CHODL: variants seen among roughly 807,000 people sequenced by gnomAD.
The protein encoded by CHODL is transmembrane protein MT75.
In CHODL, 29 loss-of-function variants were observed where a neutral mutation model predicts 34.5. That is an observed-to-expected ratio of 0.84 (90% CI 0.63 to 1.15). CHODL has a LOEUF of 1.15. CHODL is among the 50% of genes most tolerant of loss of function. CHODL has a pLI of 0.00. For synonymous variants in CHODL, 125 were observed against 116.1 expected (o/e 1.08, Z -0.49); for missense variants, 332 against 332.5 (o/e 1.00, Z 0.01).
chr21:17,960,701 A>G (rs1007130286), intron 1 of CHODL, among the ~76,000 whole-genome samples: 7 of 152,066 alleles, frequency 4.6e-5, no homozygotes, highest in Non-Finnish European at 8.8e-5. Context: ...TTACAGGATA[A>G]TGGACTATTA....
At chr21:17,980,412 A>G (rs1255589232) in intron 1 of CHODL, among the ~76,000 whole-genome samples, 1 of 152,176 alleles carries the variant, frequency 6.6e-6, no homozygotes, top group African/African-American at 2.4e-5. Context: ...AAAATATTGC[A>G]TTTCCTAAAT....
At chr21:18,074,971 A>G (rs2146505000) in intron 2 of CHODL, among the ~76,000 whole-genome samples, 1 of 152,312 alleles carries the variant, frequency 6.6e-6, no homozygotes, top group East Asian at 1.9e-4. Context: ...AGAGATAGTT[A>G]CTAATGGCCT....
At chr21:18,255,984 C>A (rs893857487) in intron 1 of CHODL, among the ~76,000 whole-genome samples, 1 of 151,966 alleles carries the variant, frequency 6.6e-6, no homozygotes. Context: ...CATTCTGTCC[C>A]CTTTTAACTT....
At chr21:18,146,696 A>C (rs2072894450) in intron 2 of CHODL, among the ~76,000 whole-genome samples, 1 of 152,202 alleles carries the variant, frequency 6.6e-6, no homozygotes, top group Admixed American at 6.5e-5. Context: ...AAACAAACTA[A>C]TACAGTACTT....
chr21:17,938,488 TTTTTTAAG>T (rs1198697410), intron 1 of CHODL, among the ~76,000 whole-genome samples: 29 of 1,746 alleles, frequency 0.017, no homozygotes, highest in Middle Eastern at 0.05. Flanking sequence ...TTTTTTTTTT[TTTTTTAAG>T]GAAAGGGAGT....
chr21:17,937,248 C>A (rs575012082), intron 1 of CHODL, among the ~76,000 whole-genome samples: 1 of 152,170 alleles, frequency 6.6e-6, no homozygotes, highest in South Asian at 2.1e-4. Context: ...AGGAGAGGGG[C>A]AGGTGAGAGC....
chr21:18,145,965 G>T (rs7280217), intron 2 of CHODL, among the ~76,000 whole-genome samples: 44,091 of 151,648 alleles, frequency 0.29, 8,123 homozygotes, highest in African/African-American at 0.53. Flanking sequence ...TTTGTTTTTT[G>T]TTGTTGTTGT....
chr21:18,187,404 G>T (rs2146685633), intron 2 of CHODL, among the ~76,000 whole-genome samples: 1 of 151,912 alleles, frequency 6.6e-6, no homozygotes, highest in East Asian at 1.9e-4. Flanking sequence ...CTCCTTTAAG[G>T]TTTCCATTTT....
intron 1 of CHODL, among the ~76,000 whole-genome samples, chr21:18,006,065 G>T (rs947634235): frequency 1.3e-5 from 2 of 152,110 alleles, no homozygotes; most frequent in South Asian, 4.2e-4. Flanking sequence ...AACCCATTTT[G>T]CTTGGCCGTC....
chr21:17,970,314 C>T (rs1241840569), intron 1 of CHODL, among the ~76,000 whole-genome samples: 1 of 152,100 alleles, frequency 6.6e-6, no homozygotes, highest in Non-Finnish European at 1.5e-5. Context: ...TTTTATCTTT[C>T]TGTCTTCGCC....
intron 1 of CHODL, among the ~76,000 whole-genome samples, chr21:17,963,370 T>C (rs540539442): frequency 6.6e-6 from 1 of 152,318 alleles, no homozygotes; most frequent in Non-Finnish European, 1.5e-5. Context: ...TCTGAAGAAA[T>C]ACCTGAGACT....
intron 2 of CHODL, among the ~76,000 whole-genome samples, chr21:18,143,354 C>T (rs2072825776): frequency 6.6e-6 from 1 of 152,082 alleles, no homozygotes; most frequent in Non-Finnish European, 1.5e-5. Flanking sequence ...ATCTATTTTT[C>T]TAACATCTTT....
chr21:18,133,839 T>C (rs1472345935), intron 2 of CHODL, among the ~76,000 whole-genome samples: 1 of 152,168 alleles, frequency 6.6e-6, no homozygotes, highest in East Asian at 1.9e-4. Context: ...GGCTAATAAA[T>C]TCTTTTGTCA....
At chr21:18,146,209 C>T (rs952773557) in intron 2 of CHODL, among the ~76,000 whole-genome samples, 5 of 151,592 alleles carry the variant, frequency 3.3e-5, no homozygotes, top group East Asian at 3.9e-4. Context: ...AATCTCCTGA[C>T]ATCGTTATCC....
chr21:18,089,402 C>G (rs932190090), intron 2 of CHODL, among the ~76,000 whole-genome samples: 1 of 151,912 alleles, frequency 6.6e-6, no homozygotes, highest in African/African-American at 2.4e-5. Context: ...AGTTTAATTT[C>G]TCTTCTGTTT....
chr21:18,153,349 G>A (rs1001361453), intron 2 of CHODL, among the ~76,000 whole-genome samples: 4 of 152,170 alleles, frequency 2.6e-5, no homozygotes, highest in Non-Finnish European at 5.9e-5. Context: ...GCTATAGGCT[G>A]AGGGTTTATT....
intron 2 of CHODL, among the ~76,000 whole-genome samples, chr21:18,096,998 C>T (rs558806688): frequency 1.1e-4 from 16 of 152,160 alleles, no homozygotes; most frequent in Admixed American, 7.2e-4. Flanking sequence ...AAAGAACCCA[C>T]GTTGAAATAT....
At chr21:18,217,173 G>GA (rs576469095) in intron 2 of CHODL, among the ~76,000 whole-genome samples, 1 of 79,718 alleles carries the variant, frequency 1.3e-5, no homozygotes, top group African/African-American at 7.0e-5. Flanking sequence ...ACTCAGCAAT[G>GA]GGGGTGCTGG....
rs926839147 is a variant in CHODL at position 18,249,316 on chromosome 21, G to A, written c.79+4014G>A. Among the ~76,000 whole-genome samples, 3 of 150,586 alleles carry A rather than the reference G, an allele frequency of 2.0e-5. No individual in the cohort carries two copies. The Admixed American group carries it at 2.0e-4, about 10-fold the overall frequency. ...AACATATTCCTCATGATATAACACA[G>A]GATGACAACTTGGCTAAAGTTATAC... On this transcript the variant is annotated intron_variant, in intron 1 of 5. Transcript: ENST00000299295.
Sources: allele counts gnomAD v4.1 joint callset (sites outside exome capture counted in the v4.1 genomes callset), GRCh38; gene constraint gnomAD v4.1.1; transcripts MANE v1.5; gene names NCBI Gene and HGNC (gene_info 2026-07-23, HGNC 2026-07-21).